The following ITGA7 variants were observed in gnomAD, a reference collection of about 807,000 sequenced individuals.
The protein encoded by ITGA7 is integrin alpha-7.
Under a neutral mutation model 131.6 loss-of-function variants are expected in ITGA7, and 84 were observed. The ratio of observed to expected loss-of-function variants is 0.64; its 90% CI spans 0.54 to 0.77. The LOEUF is 0.77. Ranked by LOEUF, ITGA7 falls within the 30% of genes least tolerant of loss-of-function variation. The probability of loss-of-function intolerance (pLI) is 0.00; values close to 1 mark genes in which losing one functional copy is unlikely to be tolerated. For missense variants in ITGA7, 1,399 were observed against 1,482.9 expected (o/e 0.94, Z 0.93); for synonymous variants, 548 against 600.7 (o/e 0.91, Z 1.28).
intron 13 of ITGA7, 92 bp downstream of exon 13, chr12:55,696,191 T>C: frequency 3.7e-6 from 5 of 1,359,306 alleles, no homozygotes; most frequent in Non-Finnish European, 5.1e-6. Flanking sequence ...GTGAAAGGGC[T>C]CTGTGAGCTG....
intron 1 of ITGA7, among the ~76,000 whole-genome samples, chr12:55,703,959 T>TA (rs1565640633): frequency 6.6e-6 from 1 of 152,170 alleles, no homozygotes; most frequent in African/African-American, 2.4e-5. Context: ...CTTTCCCAGC[T>TA]ACAACTTTCT....
intron 21 of ITGA7, among the ~76,000 whole-genome samples, chr12:55,690,853 C>G (rs1871275778): frequency 6.6e-6 from 1 of 152,058 alleles, no homozygotes; most frequent in Non-Finnish European, 1.5e-5. Flanking sequence ...ATCATTCTCA[C>G]TAAACTATCA....
At chr12:55,700,372 C>T (rs1873709088) in intron 4 of ITGA7, 1 of 1,609,016 alleles carries the variant, frequency 6.2e-7, no homozygotes, top group South Asian at 1.1e-5. Context: ...GCCCTGTGCA[C>T]AGAGCTCCAC....
At position 55,698,596 on chromosome 12, in the gene ITGA7, T is replaced by C. The variant is rs772427014; in HGVS notation, c.999-20A>G. 10 of 1,613,932 alleles carry C rather than the reference T, an allele frequency of 6.2e-6. 1 individual carries two copies. The South Asian group carries it at 8.8e-5, about 14-fold the overall frequency. ...GGCCAGCTATGGAGAGAGGGAAACA[T>C]TCAGTGTGGGTCCTCCCTGGCCAGA... On this transcript the variant is annotated intron_variant, in intron 6 of 24. Transcript: ENST00000257879.
intron 24 of ITGA7, among the ~76,000 whole-genome samples, chr12:55,687,693 T>G (rs531368564): frequency 3.9e-5 from 6 of 152,010 alleles, no homozygotes; most frequent in African/African-American, 1.5e-4. Flanking sequence ...TTTCACCATG[T>G]TGTCCAGGCT....
intron 14 of ITGA7, 122 bp downstream of exon 14, chr12:55,695,400 T>A: frequency 1.4e-6 from 1 of 740,406 alleles, no homozygotes; most frequent in Non-Finnish European, 2.3e-6. Flanking sequence ...GCAGGTCCTC[T>A]TCCACCTTCT....
intron 22 of ITGA7, among the ~76,000 whole-genome samples, 197 bp from the exon 23 acceptor site, chr12:55,688,497 G>A (rs745945185): frequency 6.6e-6 from 1 of 152,142 alleles, no homozygotes; most frequent in Non-Finnish European, 1.5e-5. Flanking sequence ...GGCCAAGGAG[G>A]GTGGATCACC....
chr12:55,707,603 A>C lies in ITGA7; in HGVS notation c.80T>G (p.Leu27Arg), dbSNP rs1330643197. 2 of 1,613,256 alleles carry C rather than the reference A, an allele frequency of 1.2e-6. No homozygotes were observed. Among genetic ancestry groups the C allele is most frequent in the East Asian group, 4.5e-5 (2 of 44,832 alleles). ...ATTGAAGGCGACAGCCCGTGAGAAG[A>C]GCAGTTCGACGAGCAGGGAGCCAAA... Reference protein sequence around the residue: ...YLFGSLLVELLFSRAVAFNLD... With the variant: ...YLFGSLLVELRFSRAVAFNLD... The change falls in exon 1 of 25, where the codon CTC becomes CGC. Residue 27 changes from leucine to arginine, a missense_variant. Transcript: ENST00000257879.
chr12:55,714,111 T>C (rs897459047), upstream of ITGA7, among the ~76,000 whole-genome samples: 8 of 152,196 alleles, frequency 5.3e-5, no homozygotes, highest in African/African-American at 9.7e-5. Flanking sequence ...GCACGGTGGC[T>C]CACACCTGTA....
chr12:55,700,507 C>A, intron 4 of ITGA7: 1 of 1,303,542 alleles, frequency 7.7e-7, no homozygotes, highest in East Asian at 2.3e-5. Context: ...CTAGCCCTCT[C>A]CCCACCCTGT....
At chr12:55,688,402 G>C (rs183302253) in intron 22 of ITGA7, 102 bp from the exon 23 acceptor site, 1 of 915,196 alleles carries the variant, frequency 1.1e-6, no homozygotes, top group African/African-American at 1.6e-5. Flanking sequence ...CAACACAGAG[G>C]ATGTTTCTGC....
At chr12:55,697,847 C>T in intron 8 of ITGA7, 25 bp from the exon 9 acceptor site, 1 of 1,614,100 alleles carries the variant, frequency 6.2e-7, no homozygotes, top group South Asian at 1.1e-5. Flanking sequence ...GTCAGCCTCC[C>T]TCAATCCCAC....
chr12:55,705,922 A>G (rs1875077659), intron 1 of ITGA7, among the ~76,000 whole-genome samples: 1 of 152,188 alleles, frequency 6.6e-6, no homozygotes. Flanking sequence ...GCCACCTGCA[A>G]CTCAAAAGCT....
intron 19 of ITGA7, 50 bp from the exon 20 acceptor site, chr12:55,693,367 T>G (rs774528724): frequency 6.6e-7 from 1 of 1,524,844 alleles, no homozygotes; most frequent in Non-Finnish European, 9.0e-7. Flanking sequence ...TTTCTTTTTT[T>G]TTTTTTTTTA....
At chr12:55,701,271 G>C in intron 3 of ITGA7, 117 bp from the exon 4 acceptor site, 1 of 1,570,154 alleles carries the variant, frequency 6.4e-7, no homozygotes, top group Non-Finnish European at 8.8e-7. Context: ...ACATGCACAT[G>C]CACATGCACA....
At chr12:55,686,178 C>T in intron 24 of ITGA7, 1 of 1,260,726 alleles carries the variant, frequency 7.9e-7, no homozygotes, top group South Asian at 1.2e-5. Context: ...ACACACTAGA[C>T]ACATGCACAC....
At chr12:55,709,596 C>T (rs1875857722), upstream of ITGA7, among the ~76,000 whole-genome samples, 1 of 152,168 alleles carries the variant, frequency 6.6e-6, no homozygotes, top group East Asian at 1.9e-4. Context: ...ATCTCAGAGC[C>T]CCAGACAGTA....
At chr12:55,715,144 C>T (rs1227711972), upstream of ITGA7, among the ~76,000 whole-genome samples, 2 of 152,196 alleles carry the variant, frequency 1.3e-5, no homozygotes, top group Non-Finnish European at 2.9e-5. Context: ...CGGGCGTGAG[C>T]CACCGCACCC....
At chr12:55,700,181 G>T in intron 4 of ITGA7, 192 bp from the exon 5 acceptor site, 1 of 1,506,136 alleles carries the variant, frequency 6.6e-7, no homozygotes, top group South Asian at 1.3e-5. Flanking sequence ...AACAGAGACA[G>T]AAGGATGGGA....
Sources: gnomAD v4.1 joint callset for allele counts (sites outside exome capture counted in the v4.1 genomes callset) on GRCh38, gnomAD v4.1.1 for gene constraint, MANE v1.5 for transcripts, NCBI Gene and HGNC (gene_info 2026-07-23, HGNC 2026-07-21) for gene names.